Variants in NRXN1 observed in about 807,000 individuals in gnomAD.
NRXN1 encodes neurexin 1.
NRXN1 carries 39 observed loss-of-function variants against 150.9 expected under a neutral mutation model. The ratio of observed to expected loss-of-function variants is 0.26; its 90% CI spans 0.20 to 0.34. The LOEUF (loss-of-function observed/expected upper bound fraction) is 0.34, where lower values mean the gene tolerates loss of function less well. Among genes scored for constraint, NRXN1 ranks in the 10% least tolerant of loss-of-function variants. The probability of loss-of-function intolerance (pLI) is 1.00; values close to 1 mark genes in which losing one functional copy is unlikely to be tolerated. For synonymous variants in NRXN1, 924 were observed against 757.0 expected (o/e 1.22, Z -3.62); for missense variants, 1,815 against 1,949.9 (o/e 0.93, Z 1.30).
chr2:50,734,462 T>G (rs1041160067), intron 5 of NRXN1, among the ~76,000 whole-genome samples: 1 of 152,158 alleles, frequency 6.6e-6, no homozygotes, highest in Admixed American at 6.6e-5. Context: ...TTGCACCGCT[T>G]TCTTTGTCTT....
intron 5 of NRXN1, among the ~76,000 whole-genome samples, chr2:50,727,628 T>A (rs1458889078): frequency 1.3e-5 from 2 of 152,140 alleles, no homozygotes; most frequent in African/African-American, 4.8e-5. Flanking sequence ...AAGTACAGGG[T>A]ACACATATTG....
chr2:51,027,817 G>C lies in NRXN1; in HGVS notation c.457C>G (p.Leu153Val). The change falls in exon 2 of 23, where the codon CTT (leucine) becomes GTT (valine). Residue 153 changes from leucine (L) to valine (V), a missense_variant. Around this residue, in one of 6 missense-constraint regions of NRXN1, gnomAD observed 554 missense variants for 478.8 expected, o/e 1.16. Transcript: ENST00000401669. ...KRRDMTVFSG[L>V]FVGGLPPELR... The stretch of plus-strand genomic sequence containing the variant: ...TCCGGGGGCAGCCCCCCGACGAAAA[G>C]GCCGCTGAACACCGTCATGTCCCTG... The C allele has an allele frequency of 1.2e-6, 2 of 1,613,434 alleles. No homozygotes were observed. The highest frequency in any genetic ancestry group is 1.7e-6 in the Non-Finnish European group (2 of 1,179,714).
intron 17 of NRXN1, among the ~76,000 whole-genome samples, chr2:50,429,304 T>A (rs990067281): frequency 2.6e-5 from 4 of 152,158 alleles, no homozygotes; most frequent in South Asian, 2.1e-4. Flanking sequence ...TCACCAAGGC[T>A]GGAGTGCAGT....
At chr2:50,069,808 G>C (rs891657194) in intron 19 of NRXN1, among the ~76,000 whole-genome samples, 18 of 151,730 alleles carry the variant, frequency 1.2e-4, no homozygotes, top group African/African-American at 4.4e-4. Context: ...CTTAAGAGGA[G>C]GAAGGCAGAC....
intron 21 of NRXN1, among the ~76,000 whole-genome samples, chr2:50,043,787 A>G (rs1421571): frequency 0.63 from 96,468 of 152,024 alleles, 30,886 homozygotes; most frequent in Middle Eastern, 0.68. Context: ...GGCACAACAC[A>G]TAGAGACTCC....
chr2:50,944,955 A>C (rs559067559), intron 2 of NRXN1, among the ~76,000 whole-genome samples: 117 of 152,314 alleles, frequency 7.7e-4, no homozygotes, highest in African/African-American at 2.7e-3. Flanking sequence ...GAATTACTTC[A>C]GTGTTTTCTG....
chr2:50,847,942 C>A (rs1382938143), intron 5 of NRXN1, among the ~76,000 whole-genome samples: 1 of 152,164 alleles, frequency 6.6e-6, no homozygotes, highest in Non-Finnish European at 1.5e-5. Flanking sequence ...TAAAACCTGC[C>A]ACTCATTCTC....
At chr2:50,046,748 G>T (rs1306072837) in intron 21 of NRXN1, among the ~76,000 whole-genome samples, 1 of 152,052 alleles carries the variant, frequency 6.6e-6, no homozygotes, top group Non-Finnish European at 1.5e-5. Flanking sequence ...TTTGGCTTCT[G>T]GAGTCAACGC....
At chr2:50,810,702 T>C (rs1668094671) in intron 5 of NRXN1, among the ~76,000 whole-genome samples, 1 of 152,078 alleles carries the variant, frequency 6.6e-6, no homozygotes, top group Non-Finnish European at 1.5e-5. Context: ...TTGCATCTTG[T>C]CCAGGCAGGT....
intron 8 of NRXN1, among the ~76,000 whole-genome samples, chr2:50,574,349 A>G (rs2105478551): frequency 6.6e-6 from 1 of 152,308 alleles, no homozygotes; most frequent in South Asian, 2.1e-4. Context: ...GTAAAAAAAA[A>G]AAATCTGAAT....
intron 16 of NRXN1, 113 bp downstream of exon 16, chr2:50,472,185 G>T: frequency 1.2e-6 from 1 of 848,862 alleles, no homozygotes; most frequent in Non-Finnish European, 1.7e-6. Flanking sequence ...GGATGTCTAA[G>T]CCCAAATTGG....
intron 17 of NRXN1, among the ~76,000 whole-genome samples, chr2:50,287,902 A>G (rs1201377436): frequency 2.0e-5 from 3 of 152,166 alleles, no homozygotes; most frequent in African/African-American, 7.2e-5. Flanking sequence ...ATTTCCTGAT[A>G]CATGAATTTA....
chr2:50,267,037 C>T lies in NRXN1; in HGVS notation c.3365-30067G>A, dbSNP rs57738237. Among the ~76,000 whole-genome samples, 765 of 152,260 alleles carry T rather than the reference C, an allele frequency of 5.0e-3. 6 individuals carry two copies. Among genetic ancestry groups the T allele is most frequent in the African/African-American group, 0.018 (728 of 41,550 alleles). ...TGATCATGCCTCAGAAAAGAACTGCCAGAGCAATCCCTTGTATAGGCTACT... is the reference window on the plus strand; with the variant it reads ...TGATCATGCCTCAGAAAAGAACTGCTAGAGCAATCCCTTGTATAGGCTACT... On this transcript the variant is annotated intron_variant, in intron 17 of 22. Transcript: ENST00000401669.
In NRXN1 at chr2:50,191,114, C is replaced by G. The variant is rs537624029; in HGVS notation, c.3546+45675G>C. 2.6e-4 allele frequency among the ~76,000 whole-genome samples: 39 copies of G among 152,110 alleles called. No individual in the cohort carries two copies. In the South Asian group the frequency reaches 5.8e-3, roughly 23 times the overall value. On this transcript the variant is annotated intron_variant, in intron 18 of 22. Coordinates refer to ENST00000401669, the MANE Select transcript of NRXN1 (RefSeq NM_001330078.2). ...CGTGATCTCAGCTCACTATAACCTC[C>G]GCCTCCCAGGTTCAAGCTTTTCTCC...
intron 19 of NRXN1, among the ~76,000 whole-genome samples, chr2:50,081,713 A>C (rs1329550732): frequency 6.6e-6 from 1 of 152,224 alleles, no homozygotes; most frequent in Non-Finnish European, 1.5e-5. Flanking sequence ...GTACAGTTTT[A>C]AAAATTGTTC....
At chr2:50,645,846 TC>T (rs1245846334) in intron 5 of NRXN1, among the ~76,000 whole-genome samples, 2 of 151,990 alleles carry the variant, frequency 1.3e-5, no homozygotes, top group Admixed American at 1.3e-4. Flanking sequence ...GAATAGCTTT[TC>T]TTTACATGAT....
At chr2:50,032,786 G>A (rs530175352) in intron 21 of NRXN1, among the ~76,000 whole-genome samples, 19 of 151,960 alleles carry the variant, frequency 1.3e-4, no homozygotes, top group African/African-American at 4.6e-4. Context: ...CAGAGAGGGT[G>A]GCTGTCTGCA....
chr2:50,845,023 T>A (rs79831372), intron 5 of NRXN1, among the ~76,000 whole-genome samples: 1 of 152,198 alleles, frequency 6.6e-6, no homozygotes, highest in East Asian at 1.9e-4. Context: ...CTAGCTAATT[T>A]TCAAAAATTC....
At chr2:50,931,216 A>T (rs1687694473) in intron 2 of NRXN1, among the ~76,000 whole-genome samples, 1 of 152,024 alleles carries the variant, frequency 6.6e-6, no homozygotes, top group Admixed American at 6.6e-5. Context: ...TGGTATATAA[A>T]TTTTTTTCAC....
Sources: allele counts gnomAD v4.1 joint callset (sites outside exome capture counted in the v4.1 genomes callset), GRCh38; gene constraint gnomAD v4.1.1; regional missense constraint gnomAD v4.1.1; transcripts MANE v1.5; gene names NCBI Gene and HGNC (gene_info 2026-07-23, HGNC 2026-07-21).